ERAP1: variants seen among roughly 807,000 people sequenced by gnomAD.
The protein encoded by ERAP1 is adipocyte-derived leucine aminopeptidase.
In ERAP1, 86 loss-of-function variants were observed where a neutral mutation model predicts 103.7. The observed-to-expected ratio is 0.83, with a 90% CI of 0.70 to 0.99. The LOEUF (loss-of-function observed/expected upper bound fraction) is 0.99. ERAP1 is among the 50% of genes least tolerant of loss of function. ERAP1 has a pLI of 0.00. For missense variants in ERAP1, 1,009 were observed against 1,128.4 expected, an observed-to-expected ratio of 0.89 and a Z score of 1.52; for synonymous variants, 398 against 402.4, an observed-to-expected ratio of 0.99 and a Z score of 0.13.
chr5:96,858,753 A>G, the ERAP1 span, among the ~76,000 whole-genome samples: 1 of 152,166 alleles, frequency 6.6e-6, no homozygotes, highest in Non-Finnish European at 1.5e-5. Flanking sequence ...TCCCCAGGTT[A>G]GATTAATCAT....
the ERAP1 span, among the ~76,000 whole-genome samples, chr5:96,837,333 T>G: frequency 1.3e-5 from 2 of 152,252 alleles, no homozygotes; most frequent in East Asian, 3.8e-4. Flanking sequence ...TCAAAGTTAT[T>G]GTACAGAACA....
rs1366873123 is a variant in ERAP1, at chr5:96,807,847, G to A, written c.-18+13C>T. The A allele has an allele frequency of 2.2e-5, 22 of 985,694 alleles. No individual in the cohort carries two copies. The highest frequency in any genetic ancestry group is 7.0e-5 in the African/African-American group (4 of 57,246). 61.1% of individuals were successfully genotyped at this position (985,694 alleles called of 1,614,324 possible). ...GCCCGCAGTCCCCTACCCGCGGCTCGAGCGCGCTGTACCTGGGGTTCTGGG... is the reference window on the plus strand; with the variant it reads ...GCCCGCAGTCCCCTACCCGCGGCTCAAGCGCGCTGTACCTGGGGTTCTGGG... On this transcript the variant is annotated intron_variant, in intron 1 of 18. Transcript: ENST00000443439.
chr5:96,876,597 G>A, the ERAP1 span: 5 of 152,294 alleles, frequency 3.3e-5, no homozygotes, highest in African/African-American at 1.2e-4. Flanking sequence ...ATGAACTGAA[G>A]GTATAGAACT....
chr5:96,887,308 T>TA, the ERAP1 span, among the ~76,000 whole-genome samples: 1 of 150,888 alleles, frequency 6.6e-6, no homozygotes, highest in Non-Finnish European at 1.5e-5. Context: ...TCCGACTTTT[T>TA]TTTTTTTTTT....
chr5:96,807,952 C>T (rs1778848925), upstream of ERAP1: 8 of 985,704 alleles, frequency 8.1e-6, no homozygotes, highest in Non-Finnish European at 9.6e-6. Flanking sequence ...AAGTGGAGCC[C>T]GGGGAGCGGC....
chr5:96,870,670 G>C, the ERAP1 span, among the ~76,000 whole-genome samples: 96,830 of 151,970 alleles, frequency 0.64, 31,213 homozygotes, highest in Middle Eastern at 0.73. Context: ...TCACCACCAA[G>C]CTTTTTGCCT....
the ERAP1 span, chr5:96,917,453 A>G: frequency 6.2e-7 from 1 of 1,607,510 alleles, no homozygotes; most frequent in African/African-American, 1.3e-5. Flanking sequence ...TTTCTTCAAT[A>G]TTTTACAGGT....
the ERAP1 span, among the ~76,000 whole-genome samples, chr5:96,869,528 A>G: frequency 9.9e-5 from 15 of 152,262 alleles, 1 homozygote; most frequent in Non-Finnish European, 1.5e-5. Context: ...AGGTAGATTC[A>G]GGATTTTTAT....
chr5:96,792,153 C>T lies in ERAP1; in HGVS notation c.1228G>A (p.Val410Ile), dbSNP rs1284001270. Residue 410 changes from valine to isoleucine, a missense_variant, in exon 8 of 19, where the codon GTA (valine) becomes ATA (isoleucine). Val to Ile is a conservative substitution (Grantham distance 29, BLOSUM62 3). Coordinates refer to ENST00000443439, the MANE Select transcript of ERAP1 (RefSeq NM_001040458.3). ...GGGTGTGAGGAATTTAAAGCATCTA[C>T]CTCCATTGCGTCAAAACATTTGCCA... ...FFGKCFDAMEVDALNSSHPVS... is the reference protein window; with the variant it reads ...FFGKCFDAMEIDALNSSHPVS... 1.2e-6 allele frequency: 2 copies of T among 1,613,858 alleles called. No homozygotes were observed. The highest frequency in any genetic ancestry group is 4.5e-5 in the East Asian group (2 of 44,868).
chr5:96,782,136 G>T (rs1187553225), intron 15 of ERAP1, among the ~76,000 whole-genome samples: 1 of 150,666 alleles, frequency 6.6e-6, no homozygotes, highest in East Asian at 2.0e-4. Flanking sequence ...TCAGCCTCCC[G>T]AGTAGCTGGG....
the ERAP1 span, chr5:96,900,165 G>C: frequency 9.9e-6 from 16 of 1,613,694 alleles, 1 homozygote; most frequent in Admixed American, 2.7e-4. Flanking sequence ...TTTGTCATTC[G>C]GATCCCAAGA....
At chr5:96,851,087 T>C in the ERAP1 span, among the ~76,000 whole-genome samples, 1 of 152,206 alleles carries the variant, frequency 6.6e-6, no homozygotes, top group East Asian at 1.9e-4. Flanking sequence ...ATAGTATCCA[T>C]GAACATTATT....
chr5:96,825,418 CAAATGTTCTATGTGAATCAGAG>C, the ERAP1 span, among the ~76,000 whole-genome samples: 1 of 152,122 alleles, frequency 6.6e-6, no homozygotes, highest in Non-Finnish European at 1.5e-5. Context: ...TGTATCTTAG[CAAATGTTCTATGTGAATCAGAG>C]AAGAATGTGT....
intron 11 of ERAP1, among the ~76,000 whole-genome samples, chr5:96,787,118 AATTT>A (rs2150935470): frequency 6.6e-6 from 1 of 152,322 alleles, no homozygotes; most frequent in East Asian, 1.9e-4. Context: ...CCTAAGTCAG[AATTT>A]ATTTTCTATT....
chr5:96,862,296 A>G, the ERAP1 span, among the ~76,000 whole-genome samples: 1 of 152,158 alleles, frequency 6.6e-6, no homozygotes, highest in African/African-American at 2.4e-5. Flanking sequence ...GTCTAAATCA[A>G]TCTTTACAAA....
At chr5:96,815,420 T>A in the ERAP1 span, among the ~76,000 whole-genome samples, 16 of 144,192 alleles carry the variant, frequency 1.1e-4, no homozygotes, top group East Asian at 1.6e-3. Flanking sequence ...TTTTATTTTT[T>A]TTTTTTTTGA....
the ERAP1 span, chr5:96,884,034 TTATCTATCTATCTATCTATCTATC>T: frequency 4.8e-5 from 29 of 603,462 alleles, no homozygotes; most frequent in African/African-American, 1.0e-4. Context: ...TAATTTGTTT[TTATCTATCTATCTATCTATCTATC>T]TATCTATCTA....
the ERAP1 span, among the ~76,000 whole-genome samples, chr5:96,847,083 C>A: frequency 3.7e-4 from 50 of 133,462 alleles, no homozygotes; most frequent in Middle Eastern, 3.6e-3. Flanking sequence ...TACTAAAATA[C>A]AAAAAAAAAA....
upstream of ERAP1, among the ~76,000 whole-genome samples, chr5:96,808,842 G>A (rs1043065566): frequency 3.3e-5 from 5 of 152,112 alleles, no homozygotes; most frequent in Non-Finnish European, 4.4e-5. Flanking sequence ...AATGGGTCCC[G>A]ATCCAGACCC....
Sources: gnomAD v4.1 joint callset for allele counts (sites outside exome capture counted in the v4.1 genomes callset) on GRCh38, gnomAD v4.1.1 for gene constraint, MANE v1.5 for transcripts, NCBI Gene and HGNC (gene_info 2026-07-23, HGNC 2026-07-21) for gene names.